The following RELL1 variants were observed in gnomAD, a reference collection of about 807,000 sequenced individuals.
The protein encoded by RELL1 is RELT-like protein 1.
Under a neutral mutation model 23.0 loss-of-function variants are expected in RELL1, and 10 were observed. That is an observed-to-expected ratio of 0.43 (90% CI 0.27 to 0.74). RELL1 has a LOEUF of 0.74. RELL1 is among the 30% of genes least tolerant of loss of function. The probability of loss-of-function intolerance (pLI) is 0.19; values close to 1 mark genes in which losing one functional copy is unlikely to be tolerated. For synonymous variants in RELL1, 146 were observed against 146.8 expected (o/e 0.99, Z 0.04); for missense variants, 315 against 364.4 (o/e 0.86, Z 1.10).
At chr4:37,598,062 A>G (rs1275137584) in intron 6 of RELL1, among the ~76,000 whole-genome samples, 1 of 116,850 alleles carries the variant, frequency 8.6e-6, no homozygotes, top group East Asian at 2.5e-4. Context: ...AATGATATGT[A>G]ATATATATAT....
intron 3 of RELL1, among the ~76,000 whole-genome samples, chr4:37,643,684 G>A (rs1560343545): frequency 6.6e-6 from 1 of 152,112 alleles, no homozygotes; most frequent in Non-Finnish European, 1.5e-5. Context: ...TTGGTACTAA[G>A]TTCAAGTTAT....
chr4:37,588,986 AT>A, downstream of RELL1: 1 of 976,586 alleles, frequency 1.0e-6, no homozygotes, highest in East Asian at 2.4e-5. Flanking sequence ...TATTCAGTGC[AT>A]TTATCCAGCT....
chr4:37,594,081 C>T (rs1449368098), intron 6 of RELL1, among the ~76,000 whole-genome samples: 1 of 152,188 alleles, frequency 6.6e-6, no homozygotes, highest in Non-Finnish European at 1.5e-5. Context: ...TTATGAATAA[C>T]TGCTTTGAAA....
downstream of RELL1, among the ~76,000 whole-genome samples, chr4:37,589,135 G>A (rs954778819): frequency 6.6e-6 from 1 of 152,096 alleles, no homozygotes; most frequent in African/African-American, 2.4e-5. Context: ...CATTTTCTGA[G>A]GCTGAATTTG....
At chr4:37,639,340 C>T (rs11735852) in intron 3 of RELL1, among the ~76,000 whole-genome samples, 77,102 of 145,540 alleles carry the variant, frequency 0.53, 21,229 homozygotes, top group Middle Eastern at 0.7. Flanking sequence ...GCAGACATCA[C>T]GCCACTGCAC....
chr4:37,677,387 C>T (rs1722054578), intron 1 of RELL1, among the ~76,000 whole-genome samples: 1 of 152,214 alleles, frequency 6.6e-6, no homozygotes. Flanking sequence ...AGGTCTCTTC[C>T]AGCCCTAATA....
chr4:37,606,830 G>A (rs556842252), downstream of RELL1, among the ~76,000 whole-genome samples: 1 of 152,292 alleles, frequency 6.6e-6, no homozygotes, highest in South Asian at 2.1e-4. The surrounding 1 kb of genome is among the most constrained non-coding windows in gnomAD (Gnocchi z 4.1). Context: ...GCAGAAATAA[G>A]ATATTGGCCT....
At chr4:37,609,731 A>G (rs1335685024), downstream of RELL1, among the ~76,000 whole-genome samples, 1 of 152,230 alleles carries the variant, frequency 6.6e-6, no homozygotes, top group Non-Finnish European at 1.5e-5. Context: ...GGAGGAAGTC[A>G]CTGCAGATGT....
chr4:37,646,158 G>T (rs1720704524), intron 3 of RELL1, among the ~76,000 whole-genome samples: 1 of 152,202 alleles, frequency 6.6e-6, no homozygotes, highest in Non-Finnish European at 1.5e-5. Context: ...AGAATCCACA[G>T]CTATTGAGTA....
At position 37,644,272 on chromosome 4, in the gene RELL1, A is replaced by C. The variant is rs985284082; in HGVS notation, c.385+3096T>G. On this transcript the variant is annotated intron_variant, in intron 3 of 6. Transcript: ENST00000454158. ...ATAATACGCCTCCTCCAAGGACCCC[A>C]AACACCCTCTCTGCTGTAATTAAGA... Among the ~76,000 whole-genome samples, 131 of 151,890 alleles carry C rather than the reference A, an allele frequency of 8.6e-4. 1 individual carries two copies. Among genetic ancestry groups the C allele is most frequent in the Non-Finnish European group, 3.1e-4 (21 of 68,000 alleles).
At chr4:37,666,031 T>C (rs1480763057) in intron 1 of RELL1, among the ~76,000 whole-genome samples, 3 of 152,174 alleles carry the variant, frequency 2.0e-5, no homozygotes, top group Non-Finnish European at 4.4e-5. Flanking sequence ...CTGATGCCCC[T>C]GTGGAGTGTT....
At position 37,686,221 on chromosome 4, in the gene RELL1, TCA is replaced by T; in HGVS notation, c.65_66del (p.Val22GlufsTer60). The T allele has an allele frequency of 6.3e-7, 1 of 1,580,606 alleles. No individual in the cohort carries two copies. Among genetic ancestry groups the T allele is most frequent in the Non-Finnish European group, 8.5e-7 (1 of 1,171,656 alleles). On this transcript the variant is annotated frameshift_variant, in exon 1 of 7. Transcript: ENST00000454158. LOFTEE classifies it high-confidence loss of function. The stretch of plus-strand genomic sequence containing the variant: ...TCACCCGGAGCCACCAGCGGCGAAC[TCA>T]CGGCGCCTCCCACGAAGACAGCAGC... ...LAAAVFVGGAVSSPLVAPDNG... is the reference protein window; with the variant it reads ...LAAAVFVGGAXSSPLVAPDNG...
chr4:37,668,740 T>C (rs1721639034), intron 1 of RELL1, among the ~76,000 whole-genome samples: 1 of 146,812 alleles, frequency 6.8e-6, no homozygotes, highest in African/African-American at 2.7e-5. Context: ...GGAGCATCTC[T>C]GCCCGGCCGC....
chr4:37,604,882 C>CACACACAT (rs1719137759), intron 6 of RELL1, among the ~76,000 whole-genome samples: 3 of 88,576 alleles, frequency 3.4e-5, no homozygotes, highest in South Asian at 8.8e-4. Flanking sequence ...CACACACATA[C>CACACACAT]ACACAGACAC....
chr4:37,612,322 TAA>T lies in RELL1; in HGVS notation c.*1022_*1023del, dbSNP rs1553872212. ...AACCAAGAATCGCTCAGCTAAAGGT[TAA>T]AAAAAAAAAAAAAACAAAAAAAAAC... is the stretch of plus-strand genomic sequence containing the variant. On this transcript the variant is annotated 3_prime_UTR_variant, in exon 7 of 7. Transcript: ENST00000454158. 0.035 allele frequency among the ~76,000 whole-genome samples: 2,924 copies of T among 83,480 alleles called. 100 individuals are homozygous for T. Among genetic ancestry groups the T allele is most frequent in the African/African-American group, 0.16 (2,745 of 17,568 alleles). The allele number at this position is 83,480 out of a possible 152,430, so 54.8% of individuals were successfully genotyped here.
At position 37,649,269 on chromosome 4, in the gene RELL1, T is replaced by A. The variant is rs151028991; in HGVS notation, c.313+7A>T. On this transcript the variant is annotated splice_region_variant and intron_variant, in intron 2 of 6. Coordinates refer to ENST00000454158, the MANE Select transcript of RELL1 (RefSeq NM_001085400.2). ...CACCCCCAATAAAAAGAGCCCTGGTTATTTACCTATCTTTTCAACCTTTTC... is the reference window on the plus strand; with the variant it reads ...CACCCCCAATAAAAAGAGCCCTGGTAATTTACCTATCTTTTCAACCTTTTC... The A allele has an allele frequency of 2.9e-4, 460 of 1,609,692 alleles. No individual in the cohort carries two copies. The African/African-American group carries it at 4.7e-3, about 17-fold the overall frequency.
At chr4:37,645,026 G>A (rs1003333370) in intron 3 of RELL1, among the ~76,000 whole-genome samples, 4 of 152,082 alleles carry the variant, frequency 2.6e-5, no homozygotes, top group African/African-American at 7.2e-5. Context: ...AGAAAATGTC[G>A]AGATCACAGC....
intron 6 of RELL1, among the ~76,000 whole-genome samples, chr4:37,598,094 T>TATATATATATATATATATATAA (rs1000920633): frequency 1.4e-5 from 2 of 140,262 alleles, no homozygotes; most frequent in African/African-American, 2.7e-5. Context: ...TATATATATA[T>TATATATATATATATATATATAA]AACTCCTCCT....
intron 3 of RELL1, among the ~76,000 whole-genome samples, chr4:37,640,438 C>T (rs925231213): frequency 6.6e-6 from 1 of 152,108 alleles, no homozygotes; most frequent in Non-Finnish European, 1.5e-5. Flanking sequence ...AAAATAATGT[C>T]GTTTCAGATA....
Sources: allele counts gnomAD v4.1 joint callset (sites outside exome capture counted in the v4.1 genomes callset), GRCh38; gene constraint gnomAD v4.1.1; non-coding constraint Gnocchi (gnomAD v3.1); transcripts MANE v1.5; gene names NCBI Gene and HGNC (gene_info 2026-07-23, HGNC 2026-07-21).